CDH12: variants seen among roughly 807,000 people sequenced by gnomAD.
The protein encoded by CDH12 is cadherin-12.
Under a neutral mutation model 74.1 loss-of-function variants are expected in CDH12, and 41 were observed. That is an observed-to-expected ratio of 0.55 (90% confidence interval 0.43 to 0.72). The LOEUF is 0.72. Among genes scored for constraint, CDH12 ranks in the 30% least tolerant of loss-of-function variants. CDH12 has a pLI of 0.00. For synonymous variants in CDH12, 399 were observed against 355.0 expected (o/e 1.12, Z -1.39); for missense variants, 945 against 977.2 (o/e 0.97, Z 0.44).
At chr5:22,501,922 G>A (rs1046809635) in intron 2 of CDH12, among the ~76,000 whole-genome samples, 21 of 152,056 alleles carry the variant, frequency 1.4e-4, no homozygotes, top group Admixed American at 6.6e-4. Context: ...GAAAGGCAAT[G>A]TTTTCTGAGT....
intron 5 of CDH12, among the ~76,000 whole-genome samples, chr5:22,022,611 T>G (rs2150163032): frequency 6.6e-6 from 1 of 152,344 alleles, no homozygotes; most frequent in African/African-American, 2.4e-5. Context: ...TTGATTATCT[T>G]ACATTTTGAA....
intron 5 of CDH12, among the ~76,000 whole-genome samples, chr5:22,075,671 T>C (rs1406679488): frequency 6.6e-6 from 1 of 152,038 alleles, no homozygotes; most frequent in African/African-American, 2.4e-5. Context: ...AGGCTATCAG[T>C]AAAGCTTTGG....
chr5:22,780,449 A>G (rs531545438), intron 1 of CDH12, among the ~76,000 whole-genome samples: 7 of 152,330 alleles, frequency 4.6e-5, no homozygotes, highest in African/African-American at 1.7e-4. Flanking sequence ...GGAAGGCCTC[A>G]GGAAACTTAC....
At chr5:21,841,246 C>T (rs1388041636) in intron 8 of CDH12, among the ~76,000 whole-genome samples, 1 of 150,946 alleles carries the variant, frequency 6.6e-6, no homozygotes, top group Non-Finnish European at 1.5e-5. Flanking sequence ...AGCCAAAAAA[C>T]ACATGAAAAA....
At chr5:22,477,475 C>G (rs1486000746) in intron 2 of CDH12, among the ~76,000 whole-genome samples, 1 of 152,074 alleles carries the variant, frequency 6.6e-6, no homozygotes, top group Non-Finnish European at 1.5e-5. Flanking sequence ...ATTTTCTTTG[C>G]CTGGTCTATC....
intron 1 of CDH12, among the ~76,000 whole-genome samples, chr5:22,836,843 G>A (rs975241930): frequency 3.9e-5 from 6 of 152,148 alleles, no homozygotes; most frequent in Admixed American, 2.0e-4. Context: ...ATTCAAGGCT[G>A]TGACCAATCC....
At chr5:22,117,316 G>A (rs1745175544) in intron 4 of CDH12, among the ~76,000 whole-genome samples, 1 of 148,372 alleles carries the variant, frequency 6.7e-6, no homozygotes, top group Non-Finnish European at 1.5e-5. Context: ...GAAGTGACTT[G>A]AATAAACATA....
At chr5:22,618,280 T>C (rs1001445845) in intron 1 of CDH12, among the ~76,000 whole-genome samples, 2 of 152,158 alleles carry the variant, frequency 1.3e-5, no homozygotes, top group African/African-American at 2.4e-5. Flanking sequence ...TGAGAATTGC[T>C]ACATTTTCAG....
At chr5:22,204,563 T>C (rs1751116167) in intron 4 of CDH12, among the ~76,000 whole-genome samples, 1 of 152,242 alleles carries the variant, frequency 6.6e-6, no homozygotes, top group South Asian at 2.1e-4. Context: ...TAAATCTAGC[T>C]TGCCCTTCTG....
At chr5:22,031,994 A>T (rs2150173929) in intron 5 of CDH12, among the ~76,000 whole-genome samples, 1 of 152,158 alleles carries the variant, frequency 6.6e-6, no homozygotes, top group South Asian at 2.1e-4. Context: ...GTTGCCACAA[A>T]CCTTCAATTT....
At chr5:22,575,762 A>G (rs1739757287) in intron 1 of CDH12, among the ~76,000 whole-genome samples, 1 of 151,964 alleles carries the variant, frequency 6.6e-6, no homozygotes, top group South Asian at 2.1e-4. Context: ...ACAGGGTTTC[A>G]TCATTTTGGC....
chr5:22,256,791 A>G (rs1193983072), intron 3 of CDH12, among the ~76,000 whole-genome samples: 1 of 152,126 alleles, frequency 6.6e-6, no homozygotes. Context: ...AGAAAGTAAA[A>G]ACATAAAAAT....
intron 4 of CDH12, among the ~76,000 whole-genome samples, chr5:22,194,308 C>CTTTTTT (rs59899245): frequency 3.3e-4 from 46 of 139,768 alleles, no homozygotes; most frequent in East Asian, 1.5e-3. Flanking sequence ...CTTTTTCTTT[C>CTTTTTT]TTTTTTTTTT....
At chr5:22,622,858 G>A (rs1226459850) in intron 1 of CDH12, among the ~76,000 whole-genome samples, 19 of 151,876 alleles carry the variant, frequency 1.3e-4, no homozygotes, top group Admixed American at 2.6e-4. Context: ...CCTGGCAGAG[G>A]CACAACAAAA....
intron 3 of CDH12, among the ~76,000 whole-genome samples, chr5:22,214,302 G>A (rs947741264): frequency 6.6e-6 from 1 of 152,020 alleles, no homozygotes; most frequent in African/African-American, 2.4e-5. Flanking sequence ...GAGGGTGACA[G>A]CCGAATGTGA....
chr5:22,672,909 C>T (rs1740979919), intron 1 of CDH12, among the ~76,000 whole-genome samples: 1 of 152,116 alleles, frequency 6.6e-6, no homozygotes, highest in Admixed American at 6.6e-5. Flanking sequence ...TGTTCAAATA[C>T]CTTGCATCAT....
chr5:22,643,207 G>A (rs1353619879), intron 1 of CDH12, among the ~76,000 whole-genome samples: 1 of 152,044 alleles, frequency 6.6e-6, no homozygotes, highest in African/African-American at 2.4e-5. Flanking sequence ...ACTCCCAATC[G>A]TTTTCTCAGC....
chr5:22,008,417 T>C (rs570535480), intron 5 of CDH12, among the ~76,000 whole-genome samples: 2 of 152,062 alleles, frequency 1.3e-5, no homozygotes, highest in South Asian at 2.1e-4. Context: ...TCAGTAGAGA[T>C]GGAGTTTCAC....
At chr5:22,770,635 T>C (rs1169527044) in intron 1 of CDH12, among the ~76,000 whole-genome samples, 2 of 152,254 alleles carry the variant, frequency 1.3e-5, no homozygotes, top group Admixed American at 1.3e-4. Flanking sequence ...CATATACCTA[T>C]GAGGTGCAAT....
Sources: allele counts gnomAD v4.1 joint callset (sites outside exome capture counted in the v4.1 genomes callset), GRCh38; gene constraint gnomAD v4.1.1; transcripts MANE v1.5; gene names NCBI Gene and HGNC (gene_info 2026-07-23, HGNC 2026-07-21).